The following PPM1A variants were observed in gnomAD, a reference collection of about 807,000 sequenced individuals.
The protein encoded by PPM1A is protein phosphatase 1A.
Under a neutral mutation model 35.0 loss-of-function variants are expected in PPM1A, and 7 were observed. The observed-to-expected ratio is 0.20, with a 90% CI of 0.11 to 0.38. The LOEUF (loss-of-function observed/expected upper bound fraction) is 0.38, where lower values mean the gene tolerates loss of function less well. Among genes scored for constraint, PPM1A ranks in the 10% least tolerant of loss-of-function variants. PPM1A has a pLI of 1.00. For missense variants in PPM1A, 239 were observed against 467.8 expected (o/e 0.51, Z 4.51); for synonymous variants, 153 against 167.3 (o/e 0.91, Z 0.66).
chr14:60,268,660 T>C (rs1884692931), intron 1 of PPM1A, among the ~76,000 whole-genome samples: 1 of 151,864 alleles, frequency 6.6e-6, no homozygotes, highest in Admixed American at 6.6e-5. Context: ...TTTAACTAAG[T>C]GTGAATTTTT....
In PPM1A at chr14:60,298,802, C is replaced by A. The variant is rs886246956; in HGVS notation, c.*6320C>A. On this transcript the variant is annotated 3_prime_UTR_variant, in exon 6 of 6. Coordinates refer to ENST00000395076, the MANE Select transcript of PPM1A (RefSeq NM_021003.5). ...ATTGCAGAAATATTTTTCTTAAATACAATGTGTAACAAAATTCTCCGTAGC... is the reference window on the plus strand; with the variant it reads ...ATTGCAGAAATATTTTTCTTAAATAAAATGTGTAACAAAATTCTCCGTAGC... 1 of 151,744 alleles carries A rather than the reference C, an allele frequency of 6.6e-6. No homozygotes were observed. The highest frequency in any genetic ancestry group is 2.4e-5 in the African/African-American group (1 of 41,376). 9.4% of individuals were successfully genotyped at this position (151,744 alleles called of 1,614,324 possible). A position where few individuals can be genotyped will look rare whatever the true frequency, so the allele number is the denominator to read the frequency against.
intron 1 of PPM1A, among the ~76,000 whole-genome samples, chr14:60,264,896 G>A (rs1247619059): frequency 6.6e-6 from 1 of 151,556 alleles, no homozygotes; most frequent in Non-Finnish European, 1.5e-5. Context: ...TGACTATTGT[G>A]GCTTCCTTTT....
At chr14:60,265,722 G>C (rs2139409767) in intron 1 of PPM1A, among the ~76,000 whole-genome samples, 1 of 152,236 alleles carries the variant, frequency 6.6e-6, no homozygotes, top group South Asian at 2.1e-4. Flanking sequence ...GCTGCGTCTG[G>C]TGAGGGCCTT....
At chr14:60,264,830 T>C (rs1884189222) in intron 1 of PPM1A, among the ~76,000 whole-genome samples, 1 of 152,248 alleles carries the variant, frequency 6.6e-6, no homozygotes, top group Non-Finnish European at 1.5e-5. Context: ...GCTGTCTCTC[T>C]AATAGCCACC....
At position 60,281,948 on chromosome 14, in the gene PPM1A, A is replaced by G. The variant is rs564633640; in HGVS notation, c.-20-736A>G. Among the ~76,000 whole-genome samples, 222 of 152,340 alleles carry G rather than the reference A, an allele frequency of 1.5e-3. 1 individual carries two copies. Among genetic ancestry groups the G allele is most frequent in the Non-Finnish European group, 2.2e-3 (148 of 68,042 alleles). ...ATGTATACAGTACACTTCGTTATGT[A>G]TATATATAATTGCTTGCAACTTGAA... On this transcript the variant is annotated intron_variant, in intron 1 of 5. Coordinates refer to ENST00000395076, the MANE Select transcript of PPM1A (RefSeq NM_021003.5).
At chr14:60,274,327 C>T (rs1885498434) in intron 1 of PPM1A, among the ~76,000 whole-genome samples, 1 of 151,984 alleles carries the variant, frequency 6.6e-6, no homozygotes, top group Non-Finnish European at 1.5e-5. Flanking sequence ...AGTAAAATGG[C>T]CAGACAGCCT....
In PPM1A at chr14:60,293,658, ACT is replaced by A. The variant is rs1466646581; in HGVS notation, c.*1179_*1180del. ...TATTGTCAAAGTTTGACAATCTAAC[ACT>A]CTATGGTAGGGGTGTGTGTGTGTGT... On this transcript the variant is annotated 3_prime_UTR_variant, in exon 6 of 6. Transcript: ENST00000395076. The surrounding 1 kb of genome is among the most constrained non-coding windows in gnomAD (Gnocchi z 4.0). 6.6e-6 allele frequency: 1 copy of A among 151,122 alleles called. No individual in the cohort carries two copies. Among genetic ancestry groups the A allele is most frequent in the Non-Finnish European group, 1.5e-5 (1 of 67,660 alleles). 9.4% of individuals were successfully genotyped at this position (151,122 alleles called of 1,614,324 possible).
intron 1 of PPM1A, among the ~76,000 whole-genome samples, chr14:60,252,495 A>G (rs1264129377): frequency 2.0e-5 from 3 of 152,196 alleles, no homozygotes; most frequent in East Asian, 1.9e-4. Flanking sequence ...AGATAAAACA[A>G]CACATGGCCC....
intron 1 of PPM1A, among the ~76,000 whole-genome samples, chr14:60,258,703 G>A (rs552727507): frequency 2.0e-5 from 3 of 152,092 alleles, no homozygotes; most frequent in African/African-American, 4.8e-5. Flanking sequence ...TTTGTTGGCC[G>A]GCCAACTTCT....
At chr14:60,281,014 C>T (rs1478605353) in intron 1 of PPM1A, among the ~76,000 whole-genome samples, 1 of 152,014 alleles carries the variant, frequency 6.6e-6, no homozygotes, top group Non-Finnish European at 1.5e-5. Context: ...TAAGGTTCTT[C>T]ATCTATAAAT....
Position 60,289,997 on chromosome 14 carries a change from T to C in PPM1A, c.1061+83T>C, listed in dbSNP as rs1887462170. On this transcript the variant is annotated intron_variant, in intron 4 of 5. Coordinates refer to ENST00000395076, the MANE Select transcript of PPM1A (RefSeq NM_021003.5). This position sits in a 1 kb window ranked among gnomAD's most constrained non-coding sequence, Gnocchi z 4.1. ...TTCATTGATAAAATGTTTGTTTGCC[T>C]AATTTCTGAACTGATGCAGTTATCT... 2 of 964,752 alleles carry C rather than the reference T, an allele frequency of 2.1e-6. No individual in the cohort carries two copies. The highest frequency in any genetic ancestry group is 3.5e-5 in the African/African-American group (2 of 57,658). The allele number at this position is 964,752 out of a possible 1,614,324, so 59.8% of individuals were successfully genotyped here. A position where few individuals can be genotyped will look rare whatever the true frequency, so the allele number is the denominator to read the frequency against.
In PPM1A at chr14:60,294,044, T is replaced by G. The variant is rs1211723270; in HGVS notation, c.*1562T>G. On this transcript the variant is annotated 3_prime_UTR_variant, in exon 6 of 6. Coordinates refer to ENST00000395076, the MANE Select transcript of PPM1A (RefSeq NM_021003.5). ...AAACTGTTGAAATGTAAGACTAAAATACAACATTGAATACAAAATCAAAAT... is the reference window on the plus strand; with the variant it reads ...AAACTGTTGAAATGTAAGACTAAAAGACAACATTGAATACAAAATCAAAAT... The G allele has an allele frequency of 1.3e-5, 2 of 151,892 alleles. No individual in the cohort carries two copies. The highest frequency in any genetic ancestry group is 2.4e-5 in the African/African-American group (1 of 41,412). The allele number at this position is 151,892 out of a possible 1,614,324, so 9.4% of individuals were successfully genotyped here.
chr14:60,256,947 G>A (rs1408945660), intron 1 of PPM1A: 2 of 152,182 alleles, frequency 1.3e-5, no homozygotes, highest in Non-Finnish European at 2.9e-5. Flanking sequence ...TCCAGAGAGT[G>A]AATCTTGTGA....
Position 60,297,398 on chromosome 14 carries a change from G to C in PPM1A, c.*4916G>C, listed in dbSNP as rs1205774250. 6.6e-6 allele frequency: 1 copy of C among 151,618 alleles called. No homozygotes were observed. Among genetic ancestry groups the C allele is most frequent in the Non-Finnish European group, 1.5e-5 (1 of 67,640 alleles). 9.4% of individuals were successfully genotyped at this position (151,618 alleles called of 1,614,324 possible). On this transcript the variant is annotated 3_prime_UTR_variant, in exon 6 of 6. Coordinates refer to ENST00000395076, the MANE Select transcript of PPM1A (RefSeq NM_021003.5). ...ACAAGAATGAACCTTTGCTGCTTCA[G>C]ATAATTTGATTTTTCCAGCAAGGAA...
In PPM1A at chr14:60,277,090, AG is replaced by A. The variant is rs1222700766; in HGVS notation, c.-20-5592del. The A allele has an allele frequency of 9.5e-6, 11 of 1,153,720 alleles. No individual in the cohort carries two copies. In the East Asian group the frequency reaches 7.1e-4, roughly 74 times the overall value. 71.5% of individuals were successfully genotyped at this position (1,153,720 alleles called of 1,614,324 possible). A position where few individuals can be genotyped will look rare whatever the true frequency, so the allele number is the denominator to read the frequency against. ...TGTACTCAAGAACAGATTTATGACT[AG>A]GTGAGAACTAAAATTTCTCTCAGAA... On this transcript the variant is annotated intron_variant, in intron 1 of 5. Transcript: ENST00000395076.
At chr14:60,286,297 A>G (rs1886997644) in intron 3 of PPM1A, 4 of 985,864 alleles carry the variant, frequency 4.1e-6, no homozygotes, top group East Asian at 1.1e-4. Flanking sequence ...ATAGACCTCA[A>G]TAAAAGACAT....
intron 1 of PPM1A, among the ~76,000 whole-genome samples, chr14:60,274,040 G>T (rs73317819): frequency 0.013 from 1,941 of 152,348 alleles, 47 homozygotes; most frequent in African/African-American, 0.045. Context: ...ATGTGAGGGT[G>T]CTCAGGGAGG....
rs1346687515 is a variant in PPM1A, at chr14:60,283,408, C to T, written c.705C>T (p.Ile235=). 16 of 1,614,062 alleles carry T rather than the reference C, an allele frequency of 9.9e-6. No homozygotes were observed. Among genetic ancestry groups the T allele is most frequent in the East Asian group, 2.2e-5 (1 of 44,890 alleles). ...CTGAAGAAGATGATCAGTTCATTAT[C>T]CTTGCATGTGATGGTATCTGGGATG... ...ERSEEDDQFI[I]LACDGIWDVM... Residue 235 remains isoleucine (I), a synonymous_variant, in exon 2 of 6, where the codon ATC becomes ATT. Coordinates refer to ENST00000395076, the MANE Select transcript of PPM1A (RefSeq NM_021003.5). The surrounding 1 kb of genome is among the most constrained non-coding windows in gnomAD (Gnocchi z 6.3).
chr14:60,287,585 A>G (rs967693761), intron 3 of PPM1A: 5 of 985,130 alleles, frequency 5.1e-6, no homozygotes, highest in African/African-American at 1.7e-5. Context: ...CTTTAAATAC[A>G]TGCCTTCACT....
Sources: gnomAD v4.1 joint callset for allele counts (sites outside exome capture counted in the v4.1 genomes callset) on GRCh38, gnomAD v4.1.1 for gene constraint, Gnocchi (gnomAD v3.1) non-coding constraint, MANE v1.5 for transcripts, NCBI Gene and HGNC (gene_info 2026-07-23, HGNC 2026-07-21) for gene names.